Variants in RREB1 observed in about 807,000 individuals in gnomAD.
The protein encoded by RREB1 is ras responsive element binding protein 1.
A neutral mutation model predicts 117.8 loss-of-function variants in RREB1; 27 were observed. The observed-to-expected ratio is 0.23, with a 90% CI of 0.17 to 0.32. The LOEUF (loss-of-function observed/expected upper bound fraction) is 0.32. Among genes scored for constraint, RREB1 ranks in the 10% least tolerant of loss-of-function variants. The pLI is 1.00. For synonymous variants in RREB1, 1,298 were observed against 1,026.7 expected, an observed-to-expected ratio of 1.26 and a Z score of -5.05; for missense variants, 2,577 against 2,378.2, an observed-to-expected ratio of 1.08 and a Z score of -1.74.
intron 1 of RREB1, among the ~76,000 whole-genome samples, chr6:7,129,432 C>T (rs1222634772): frequency 1.3e-5 from 2 of 152,220 alleles, no homozygotes; most frequent in Non-Finnish European, 2.9e-5. Flanking sequence ...CTTGGAGACA[C>T]CCTCAACAGT....
chr6:7,161,047 T>TCTCGAACTCTAGGGCCAAACCGATC lies in RREB1; in HGVS notation c.-284-15604_-284-15580dup, dbSNP rs1269626587. 2.0e-4 allele frequency among the ~76,000 whole-genome samples: 31 copies of TCTCGAACTCTAGGGCCAAACCGATC among 152,186 alleles called. 1 individual carries two copies. The highest frequency in any genetic ancestry group is 1.4e-3 in the Admixed American group (21 of 15,278). ...AGTTTCGCCATGTTGCCCAGGCTGA[T>TCTCGAACTCTAGGGCCAAACCGATC]CTCGAACTCTAGGGCCAAACCGATC... On this transcript the variant is annotated intron_variant, in intron 1 of 12. Transcript: ENST00000379938.
At chr6:7,219,776 G>A (rs974986552) in intron 8 of RREB1, among the ~76,000 whole-genome samples, 1 of 152,146 alleles carries the variant, frequency 6.6e-6, no homozygotes, top group African/African-American at 2.4e-5. Flanking sequence ...CCTGGTGTTG[G>A]CAGCCACCTT....
chr6:7,184,630 A>G (rs780419574), intron 4 of RREB1: 6 of 152,012 alleles, frequency 3.9e-5, no homozygotes, highest in Admixed American at 1.3e-4. Flanking sequence ...GTGGACCTGT[A>G]TGATGGCCTG....
chr6:7,109,893 C>T (rs1761051288), intron 1 of RREB1, among the ~76,000 whole-genome samples: 1 of 152,072 alleles, frequency 6.6e-6, no homozygotes. Context: ...AAAAATATAA[C>T]GTTTTGGTAT....
chr6:7,153,245 T>A (rs1056770628), intron 1 of RREB1, among the ~76,000 whole-genome samples: 73 of 151,542 alleles, frequency 4.8e-4, no homozygotes, highest in African/African-American at 1.8e-3. Flanking sequence ...TTATTTTTTT[T>A]TAAAAAAAGT....
At chr6:7,164,264 C>T (rs1230313709) in intron 1 of RREB1, among the ~76,000 whole-genome samples, 2 of 152,186 alleles carry the variant, frequency 1.3e-5, no homozygotes, top group Non-Finnish European at 2.9e-5. Context: ...CATGGCCTTC[C>T]CTACCTACTA....
chr6:7,161,235 A>G (rs1192482615), intron 1 of RREB1, among the ~76,000 whole-genome samples: 1 of 152,062 alleles, frequency 6.6e-6, no homozygotes, highest in Non-Finnish European at 1.5e-5. Flanking sequence ...TGCTTATGAC[A>G]CGTCCCTCTA....
At chr6:7,108,301 C>T (rs1305718785) in intron 1 of RREB1, among the ~76,000 whole-genome samples, 2 of 147,702 alleles carry the variant, frequency 1.4e-5, no homozygotes, top group Non-Finnish European at 3.0e-5. Flanking sequence ...TCCCCTCGGG[C>T]TGCGCGCCGG....
chr6:7,240,334 G>T, intron 10 of RREB1, 104 bp from the exon 11 acceptor site: 1 of 793,722 alleles, frequency 1.3e-6, no homozygotes, highest in Non-Finnish European at 1.9e-6. Flanking sequence ...GGATGGAGGA[G>T]GGGGGAACAA....
intron 12 of RREB1, among the ~76,000 whole-genome samples, chr6:7,247,466 G>T (rs1312113418): frequency 6.6e-6 from 1 of 152,182 alleles, no homozygotes; most frequent in Non-Finnish European, 1.5e-5. Context: ...AGAACGCTGT[G>T]ATCCGCCTTT....
chr6:7,212,431 T>G (rs2113622535), intron 8 of RREB1: 1 of 152,346 alleles, frequency 6.6e-6, no homozygotes, highest in East Asian at 1.9e-4. Flanking sequence ...CTCTGATAAC[T>G]CATCAGGCAA....
intron 1 of RREB1, among the ~76,000 whole-genome samples, chr6:7,167,861 TAAG>T (rs968497273): frequency 1.3e-5 from 2 of 152,058 alleles, no homozygotes; most frequent in African/African-American, 4.8e-5. Flanking sequence ...TATTGTAAGG[TAAG>T]GAGGGCAGTG....
At chr6:7,153,847 G>A (rs1434903068) in intron 1 of RREB1, among the ~76,000 whole-genome samples, 1 of 152,196 alleles carries the variant, frequency 6.6e-6, no homozygotes, top group Non-Finnish European at 1.5e-5. Flanking sequence ...CTCTAGTATA[G>A]CTCCCTTACA....
Position 7,248,797 on chromosome 6 carries a change from C to G in RREB1, c.5058C>G (p.His1686Gln). The G allele has an allele frequency of 6.2e-7, 1 of 1,614,030 alleles. No homozygotes were observed. Among genetic ancestry groups the G allele is most frequent in the East Asian group, 2.2e-5 (1 of 44,884 alleles). The change falls in exon 13 of 13, where the codon CAC (histidine) becomes CAG (glutamine). Residue 1686 changes from histidine (H) to glutamine (Q), a missense_variant. By Grantham distance (24) the His-to-Gln change is conservative. Transcript: ENST00000379938. ...GLASATKDCS[H>Q]REEKVTAGWP... ...CCAGTGCCACCAAGGACTGCAGCCA[C>G]AGGGAGGAGAAGGTCACGGCAGGGT...
At chr6:7,182,958 A>G (rs2113533773) in intron 4 of RREB1, 1 of 152,312 alleles carries the variant, frequency 6.6e-6, no homozygotes, top group South Asian at 2.1e-4. Flanking sequence ...TTTTTTTATA[A>G]ATAATCCTAC....
At chr6:7,108,816 C>A (rs1280826008) in intron 1 of RREB1, 1 of 151,636 alleles carries the variant, frequency 6.6e-6, no homozygotes, top group Admixed American at 6.6e-5. Flanking sequence ...GGGCGGACGG[C>A]GCCGGCCGGG....
rs1490569463 is a variant in RREB1, at chr6:7,250,955, C to T, written c.*1987C>T. 1.3e-5 allele frequency: 2 copies of T among 152,070 alleles called. No individual in the cohort carries two copies. Among genetic ancestry groups the T allele is most frequent in the South Asian group, 2.1e-4 (1 of 4,804 alleles). 9.4% of individuals were successfully genotyped at this position (152,070 alleles called of 1,614,324 possible). ...ACTTAGTTAAAACCAGTTCATACAT[C>T]CCTTAGGGTTTTTATTATTATTATT... On this transcript the variant is annotated 3_prime_UTR_variant, in exon 13 of 13. Transcript: ENST00000379938.
intron 9 of RREB1, among the ~76,000 whole-genome samples, chr6:7,227,105 G>T (rs1767627180): frequency 6.6e-6 from 1 of 152,158 alleles, no homozygotes; most frequent in East Asian, 1.9e-4. Context: ...GCCAGGCGTG[G>T]TGGTGTGCAC....
At chr6:7,149,958 G>A (rs1243072720) in intron 1 of RREB1, among the ~76,000 whole-genome samples, 1 of 151,068 alleles carries the variant, frequency 6.6e-6, no homozygotes, top group Non-Finnish European at 1.5e-5. Flanking sequence ...CAAAGTGCTG[G>A]GATTATAGGC....
Sources: allele counts gnomAD v4.1 joint callset (sites outside exome capture counted in the v4.1 genomes callset), GRCh38; gene constraint gnomAD v4.1.1; transcripts MANE v1.5; gene names NCBI Gene and HGNC (gene_info 2026-07-23, HGNC 2026-07-21).